The following ZNF534 variants were observed in gnomAD, a reference collection of about 807,000 sequenced individuals.
The protein encoded by ZNF534 is KRAB domain only 3.
A neutral mutation model predicts 13.6 loss-of-function variants in ZNF534; 19 were observed. That is an observed-to-expected ratio of 1.40 (90% CI 0.97 to 2.05). The LOEUF (loss-of-function observed/expected upper bound fraction) is 2.05, where lower values mean the gene tolerates loss of function less well. ZNF534 is among the 30% of genes most tolerant of loss of function. ZNF534 has a pLI of 0.00. For missense variants in ZNF534, 782 were observed against 796.3 expected (o/e 0.98, Z 0.22); for synonymous variants, 244 against 273.8 (o/e 0.89, Z 1.07).
chr19:52,433,447 A>G (rs942063359), intron 2 of ZNF534, among the ~76,000 whole-genome samples: 1 of 151,772 alleles, frequency 6.6e-6, no homozygotes, highest in African/African-American at 2.4e-5. Context: ...GCTCACTGCA[A>G]TGTCCCACTC....
downstream of ZNF534, among the ~76,000 whole-genome samples, chr19:52,444,996 G>A (rs1202867425): frequency 1.3e-5 from 2 of 152,144 alleles, no homozygotes; most frequent in Non-Finnish European, 2.9e-5. Context: ...CTGGATTCAC[G>A]CTCTTCCATG....
Position 52,439,524 on chromosome 19 carries a change from A to T in ZNF534, c.*78A>T. On this transcript the variant is annotated 3_prime_UTR_variant, in exon 5 of 5. Coordinates refer to ENST00000433050, the MANE Select transcript of ZNF534 (RefSeq NM_001143938.3). ...TTTGGGAGTCCGAGGCAGGTGGATC[A>T]TGAGGTCAGGAGATTGAGACCATCC... The T allele has an allele frequency of 7.5e-7, 1 of 1,330,286 alleles. No homozygotes were observed. The highest frequency in any genetic ancestry group is 1.0e-6 in the Non-Finnish European group (1 of 990,872). The allele number at this position is 1,330,286 out of a possible 1,614,324, so 82.4% of individuals were successfully genotyped here.
intron 4 of ZNF534, among the ~76,000 whole-genome samples, chr19:52,435,584 G>T (rs1198908304): frequency 6.6e-6 from 1 of 151,080 alleles, no homozygotes; most frequent in Non-Finnish European, 1.5e-5. Context: ...GCTGGCTGCA[G>T]CCTCACCTTC....
intron 3 of ZNF534, among the ~76,000 whole-genome samples, chr19:52,434,849 A>G (rs2059118349): frequency 6.6e-6 from 1 of 152,232 alleles, no homozygotes; most frequent in Non-Finnish European, 1.5e-5. Flanking sequence ...GACTTAAAAA[A>G]TATCCAGTTC....
At chr19:52,444,308 A>G (rs1368108549), downstream of ZNF534, among the ~76,000 whole-genome samples, 1 of 152,154 alleles carries the variant, frequency 6.6e-6, no homozygotes, top group Non-Finnish European at 1.5e-5. Context: ...GCCAGGCTCC[A>G]GGCTGGTACT....
At position 52,431,442 on chromosome 19, in the gene ZNF534, G is replaced by A; in HGVS notation, c.-33G>A. 2 of 1,613,908 alleles carry A rather than the reference G, an allele frequency of 1.2e-6. No homozygotes were observed. The highest frequency in any genetic ancestry group is 1.3e-5 in the African/African-American group (1 of 75,004). On this transcript the variant is annotated 5_prime_UTR_variant, in exon 2 of 5. Transcript: ENST00000433050. ...TCAAAGAGACATATTATGCAAGGAAGCAACTCGGAAGAGGAAAGAAAGGAA... is the reference window on the plus strand; with the variant it reads ...TCAAAGAGACATATTATGCAAGGAAACAACTCGGAAGAGGAAAGAAAGGAA...
At position 52,438,809 on chromosome 19, in the gene ZNF534, A is replaced by C. The variant is rs2059149453; in HGVS notation, c.1349A>C (p.Lys450Thr). ...GACTGTGGCAAGGTCTTCAGGCACA[A>C]GTCTTCCCTAACCTATCACTGTAGA... ...CIDCGKVFRH[K>T]SSLTYHCRIH... Residue 450 changes from lysine (K) to threonine (T), a missense_variant, in exon 5 of 5, where the codon AAG becomes ACG. Lys to Thr is a moderately conservative substitution (Grantham distance 78). Around this residue, in one of 5 missense-constraint regions of ZNF534, gnomAD observed 591 missense variants for 574.0 expected, o/e 1.03. Coordinates refer to ENST00000433050, the MANE Select transcript of ZNF534 (RefSeq NM_001143938.3). 1.9e-6 allele frequency: 3 copies of C among 1,610,816 alleles called. No homozygotes were observed. The South Asian group carries it at 3.3e-5, about 18-fold the overall frequency.
rs1365554887 is a variant in ZNF534 at position 52,440,495 on chromosome 19, T to C, written c.*1049T>C. 6.6e-6 allele frequency among the ~76,000 whole-genome samples: 1 copy of C among 152,072 alleles called. No homozygotes were observed. Among genetic ancestry groups the C allele is most frequent in the Non-Finnish European group, 1.5e-5 (1 of 68,004 alleles). ...ATCTTGCACATCAAATAATTCATAC[T>C]GGAGGCTGGGTGCGGTGGCTCACGC... On this transcript the variant is annotated 3_prime_UTR_variant, in exon 5 of 5. Transcript: ENST00000433050.
intron 4 of ZNF534, among the ~76,000 whole-genome samples, 157 bp from the exon 5 acceptor site, chr19:52,437,575 C>T (rs1016159620): frequency 1.3e-5 from 2 of 152,214 alleles, no homozygotes; most frequent in East Asian, 1.9e-4. Flanking sequence ...CACCATTGCA[C>T]TCCAGCCTGG....
chr19:52,429,441 G>T (rs1324201714), intron 1 of ZNF534, among the ~76,000 whole-genome samples, 197 bp downstream of exon 1: 1 of 152,088 alleles, frequency 6.6e-6, no homozygotes, highest in African/African-American at 2.4e-5. Context: ...TAGGCCGGGC[G>T]CGGTGCCTCA....
intron 2 of ZNF534, among the ~76,000 whole-genome samples, 165 bp downstream of exon 2, chr19:52,431,654 C>T (rs2059088129): frequency 6.6e-6 from 1 of 152,118 alleles, no homozygotes; most frequent in Non-Finnish European, 1.5e-5. Context: ...ATTCCAGTTC[C>T]CTATGACCCA....
intron 3 of ZNF534, among the ~76,000 whole-genome samples, chr19:52,434,697 C>T (rs1268733955): frequency 6.8e-6 from 1 of 147,812 alleles, no homozygotes; most frequent in Non-Finnish European, 1.5e-5. Flanking sequence ...TGCCACTGCA[C>T]TCAAGCCTGG....
chr19:52,451,199 T>TGG lies in ZNF534; in HGVS notation c.285_286dup (p.Ala96GlyfsTer165), dbSNP rs1474283048. 1.4e-6 allele frequency: 1 copy of TGG among 695,506 alleles called. No homozygotes were observed. Among genetic ancestry groups the TGG allele is most frequent in the Non-Finnish European group, 2.7e-6 (1 of 376,788 alleles). The allele number at this position is 695,506 out of a possible 1,614,324, so 43.1% of individuals were successfully genotyped here. A position where few individuals can be genotyped will look rare whatever the true frequency, so the allele number is the denominator to read the frequency against. ...TTTCTACCCATAGATTTTTCACTTCTGGCCTGGGACGCGCGCGTCTTCAGG... is the reference window on the plus strand; with the variant it reads ...TTTCTACCCATAGATTTTTCACTTCTGGGGCCTGGGACGCGCGCGTCTTCAGG... On this transcript the variant is annotated frameshift_variant, in exon 5 of 5. Coordinates refer to the ZNF534 transcript ENST00000301085. LOFTEE classifies it low-confidence loss of function (END_TRUNC).
rs754598339 is a variant in ZNF534 at position 52,438,798 on chromosome 19, C to T, written c.1338C>T (p.Val446=). Residue 446 remains valine, a synonymous_variant, in exon 5 of 5, where the codon GTC becomes GTT. Coordinates refer to ENST00000433050, the MANE Select transcript of ZNF534 (RefSeq NM_001143938.3). ...ACGAATGTATAGACTGTGGCAAGGTCTTCAGGCACAAGTCTTCCCTAACCT... is the reference window on the plus strand; with the variant it reads ...ACGAATGTATAGACTGTGGCAAGGTTTTCAGGCACAAGTCTTCCCTAACCT... ...KPYECIDCGK[V]FRHKSSLTYH... is the part of the protein sequence containing the mutation. 6.2e-7 allele frequency: 1 copy of T among 1,610,302 alleles called. No homozygotes were observed. Among genetic ancestry groups the T allele is most frequent in the Admixed American group, 1.7e-5 (1 of 59,344 alleles).
chr19:52,431,380 C>T (rs887330661), intron 1 of ZNF534, 28 bp from the exon 2 acceptor site: 12 of 1,550,376 alleles, frequency 7.7e-6, no homozygotes, highest in African/African-American at 1.4e-5. Context: ...TGATTCTAAG[C>T]CCTAAACAGC....
chr19:52,448,799 T>C (rs1480879895), intron 4 of ZNF534, among the ~76,000 whole-genome samples: 4 of 152,234 alleles, frequency 2.6e-5, no homozygotes, highest in Non-Finnish European at 5.9e-5. Context: ...ACACATAAAA[T>C]AGATAATGAT....
chr19:52,449,303 AG>A (rs2059204651), intron 4 of ZNF534, among the ~76,000 whole-genome samples: 1 of 152,204 alleles, frequency 6.6e-6, no homozygotes, highest in East Asian at 1.9e-4. Flanking sequence ...ACAGTGCTAC[AG>A]TAAACATGGG....
rs144811760 is a variant in ZNF534, at chr19:52,433,906, A to G, written c.16-49A>G. ...AACTGTCTTCTCATTCTGTTTGAAGATAAGTACTCTCTCCATACCCTGTTT... is the reference window on the plus strand; with the variant it reads ...AACTGTCTTCTCATTCTGTTTGAAGGTAAGTACTCTCTCCATACCCTGTTT... On this transcript the variant is annotated intron_variant, in intron 2 of 4. Transcript: ENST00000433050. 6.5e-5 allele frequency: 105 copies of G among 1,608,930 alleles called. No individual in the cohort carries two copies. In the African/African-American group the frequency reaches 1.3e-3, roughly 19 times the overall value.
rs754618531 is a variant in ZNF534 at position 52,438,907 on chromosome 19, C to G, written c.1447C>G (p.Arg483Gly). ...KVFSQNSNLQ[R>G]HRKIHTGEKL... is the part of the protein sequence containing the mutation. ...CTTCAGTCAGAATTCAAACCTTCAA[C>G]GACATAGGAAAATTCATACTGGAGA... is the stretch of plus-strand genomic sequence containing the variant. The change falls in exon 5 of 5, where the codon CGA (arginine) becomes GGA (glycine). Residue 483 changes from arginine (R) to glycine (G), a missense_variant. Arg to Gly is a moderately radical substitution (Grantham distance 125, BLOSUM62 -2). This residue lies in a region of ZNF534 where 591 missense variants were observed against 574.0 expected (regional missense o/e 1.03). Transcript: ENST00000433050. The G allele has an allele frequency of 6.3e-7, 1 of 1,587,624 alleles. No individual in the cohort carries two copies. Among genetic ancestry groups the G allele is most frequent in the Admixed American group, 1.7e-5 (1 of 57,550 alleles).
Sources: allele counts gnomAD v4.1 joint callset (sites outside exome capture counted in the v4.1 genomes callset), GRCh38; gene constraint gnomAD v4.1.1; regional missense constraint gnomAD v4.1.1; transcripts MANE v1.5; gene names NCBI Gene and HGNC (gene_info 2026-07-23, HGNC 2026-07-21).